The following TUSC3 variants were observed in gnomAD, a reference collection of about 807,000 sequenced individuals.
The protein encoded by TUSC3 is tumor suppressor candidate 3.
Under a neutral mutation model 44.8 loss-of-function variants are expected in TUSC3, and 45 were observed. That is an observed-to-expected ratio of 1.00 (90% CI 0.79 to 1.29). The LOEUF (loss-of-function observed/expected upper bound fraction) is 1.29, where lower values mean the gene tolerates loss of function less well. Among genes scored for constraint, TUSC3 ranks in the 50% most tolerant of loss-of-function variants. TUSC3 has a pLI of 0.00. For synonymous variants in TUSC3, 212 were observed against 152.9 expected, an observed-to-expected ratio of 1.39 and a Z score of -2.85; for missense variants, 519 against 437.9, an observed-to-expected ratio of 1.19 and a Z score of -1.65.
the TUSC3 span, among the ~76,000 whole-genome samples, chr8:15,831,456 G>T: frequency 1.3e-5 from 2 of 152,080 alleles, no homozygotes; most frequent in Non-Finnish European, 2.9e-5. Context: ...GCTGAGATGG[G>T]TGAAATGACA....
chr8:15,418,013 A>C (rs1799680634), intron 1 of TUSC3, among the ~76,000 whole-genome samples: 1 of 152,202 alleles, frequency 6.6e-6, no homozygotes, highest in Non-Finnish European at 1.5e-5. Flanking sequence ...AACACTTGAA[A>C]ACAAAAGCTT....
intron 2 of TUSC3, among the ~76,000 whole-genome samples, chr8:15,489,194 T>A (rs1189525024): frequency 6.6e-6 from 1 of 152,180 alleles, no homozygotes; most frequent in Non-Finnish European, 1.5e-5. Context: ...AGGTCTACAT[T>A]GGTTCAGTCG....
chr8:15,533,485 A>G (rs1004060762), intron 2 of TUSC3, among the ~76,000 whole-genome samples: 46 of 152,210 alleles, frequency 3.0e-4, no homozygotes, highest in Non-Finnish European at 5.9e-5. Flanking sequence ...TGCTAGGGTG[A>G]AATTCAACCG....
At chr8:15,804,681 G>T in the TUSC3 span, among the ~76,000 whole-genome samples, 1 of 152,084 alleles carries the variant, frequency 6.6e-6, no homozygotes, top group Non-Finnish European at 1.5e-5. Context: ...ATTGGTCTAT[G>T]TGTCTGCTTT....
chr8:15,843,366 C>T, the TUSC3 span, among the ~76,000 whole-genome samples: 1 of 152,060 alleles, frequency 6.6e-6, no homozygotes, highest in Admixed American at 6.6e-5. Flanking sequence ...TCACAAGACA[C>T]AATACCATGC....
chr8:15,481,365 G>T (rs1286616149), intron 1 of TUSC3, among the ~76,000 whole-genome samples: 1 of 151,834 alleles, frequency 6.6e-6, no homozygotes, highest in Non-Finnish European at 1.5e-5. Flanking sequence ...TGAGGTAGCA[G>T]CTTCCTTATT....
At chr8:15,473,268 A>G (rs749656251) in intron 1 of TUSC3, among the ~76,000 whole-genome samples, 6 of 152,212 alleles carry the variant, frequency 3.9e-5, no homozygotes, top group Non-Finnish European at 8.8e-5. Context: ...AAAGTATTAT[A>G]TGATTATTAT....
intron 1 of TUSC3, among the ~76,000 whole-genome samples, chr8:15,434,200 T>C (rs1799915322): frequency 6.6e-6 from 1 of 152,098 alleles, no homozygotes; most frequent in Non-Finnish European, 1.5e-5. Flanking sequence ...ATTACCCTAA[T>C]TAATAATAAT....
At chr8:15,540,920 C>A (rs1264781292) in intron 1 of TUSC3, among the ~76,000 whole-genome samples, 1 of 152,212 alleles carries the variant, frequency 6.6e-6, no homozygotes, top group East Asian at 1.9e-4. Context: ...ATTTATAAGC[C>A]TGCAGGAAAT....
chr8:15,448,754 C>T (rs910712140), intron 1 of TUSC3, among the ~76,000 whole-genome samples: 18 of 152,182 alleles, frequency 1.2e-4, no homozygotes, highest in Admixed American at 4.6e-4. Context: ...GATATTTATG[C>T]ATTGTAAACA....
At chr8:15,470,851 C>T (rs1800482747) in intron 1 of TUSC3, among the ~76,000 whole-genome samples, 1 of 152,058 alleles carries the variant, frequency 6.6e-6, no homozygotes, top group East Asian at 1.9e-4. Flanking sequence ...GTGTGAGTGG[C>T]TCTGTGATAG....
At chr8:15,523,702 G>GGGTATATATATATATATATATATATATA (rs1801333458) in intron 2 of TUSC3, among the ~76,000 whole-genome samples, 1 of 112,044 alleles carries the variant, frequency 8.9e-6, no homozygotes, top group Non-Finnish European at 1.8e-5. Context: ...GTGTGTGTGT[G>GGGTATATATATATATATATATATATATA]TGTGTGTATA....
chr8:15,682,894 T>G (rs1410120244), intron 6 of TUSC3, among the ~76,000 whole-genome samples: 2 of 152,222 alleles, frequency 1.3e-5, no homozygotes, highest in East Asian at 3.9e-4. Context: ...AAAGGCGTTA[T>G]TTTTTCACTT....
At chr8:15,467,680 C>G (rs1800431583) in intron 1 of TUSC3, among the ~76,000 whole-genome samples, 1 of 152,128 alleles carries the variant, frequency 6.6e-6, no homozygotes, top group Non-Finnish European at 1.5e-5. Flanking sequence ...CAGTAAGTGA[C>G]TTTTTGCCTT....
intron 6 of TUSC3, among the ~76,000 whole-genome samples, chr8:15,694,435 C>CA (rs146718595): frequency 0.04 from 3,296 of 82,878 alleles, 52 homozygotes; most frequent in East Asian, 0.072. Flanking sequence ...AAACTCCATC[C>CA]AAAAAAAAAA....
chr8:15,707,644 G>T (rs1368778981), intron 6 of TUSC3, among the ~76,000 whole-genome samples: 1 of 151,912 alleles, frequency 6.6e-6, no homozygotes, highest in Admixed American at 6.6e-5. Flanking sequence ...GCAGCTTATT[G>T]CCTAGATGAC....
intron 6 of TUSC3, among the ~76,000 whole-genome samples, chr8:15,680,099 C>CT (rs34530180): frequency 1.9e-4 from 29 of 149,976 alleles, no homozygotes; most frequent in East Asian, 7.8e-4. Context: ...TTTAGAATAG[C>CT]TTTTTTTTTT....
intron 2 of TUSC3, among the ~76,000 whole-genome samples, chr8:15,524,844 C>A (rs1801353026): frequency 1.3e-5 from 2 of 152,138 alleles, no homozygotes. Context: ...ATACAGTTGT[C>A]TTTTATTAAG....
intron 1 of TUSC3, among the ~76,000 whole-genome samples, chr8:15,461,899 A>G (rs941390742): frequency 6.6e-6 from 1 of 152,122 alleles, no homozygotes; most frequent in Non-Finnish European, 1.5e-5. Flanking sequence ...ATAAAAAAAT[A>G]CTGTATGAAA....
Sources: allele counts gnomAD v4.1 joint callset (sites outside exome capture counted in the v4.1 genomes callset), GRCh38; gene constraint gnomAD v4.1.1; transcripts MANE v1.5; gene names NCBI Gene and HGNC (gene_info 2026-07-23, HGNC 2026-07-21).